MAN1A1: variants seen among roughly 807,000 people sequenced by gnomAD.
The protein encoded by MAN1A1 is mannosyl-oligosaccharide 1,2-alpha-mannosidase IA.
A neutral mutation model predicts 70.8 loss-of-function variants in MAN1A1; 29 were observed. That is an observed-to-expected ratio of 0.41 (90% CI 0.31 to 0.56). The LOEUF (loss-of-function observed/expected upper bound fraction) is 0.56. Among genes scored for constraint, MAN1A1 ranks in the 20% least tolerant of loss-of-function variants. The probability of loss-of-function intolerance (pLI) is 0.29; values close to 1 mark genes in which losing one functional copy is unlikely to be tolerated. For missense variants in MAN1A1, 747 were observed against 841.3 expected (o/e 0.89, Z 1.39); for synonymous variants, 349 against 330.1 (o/e 1.06, Z -0.62).
rs1415657086 is a variant in MAN1A1, at chr6:119,348,592, G to C, written c.474C>G (p.Ala158=). 6.2e-7 allele frequency: 1 copy of C among 1,613,922 alleles called. No individual in the cohort carries two copies. The highest frequency in any genetic ancestry group is 8.5e-7 in the Non-Finnish European group (1 of 1,179,902). The part of the protein sequence containing the change: ...RDILLEKKKV[A]QDQLRDKAPF... Reference sequence around the variant, plus strand: ...GCGCCTTGTCACGCAGCTGGTCCTGGGCCACCTTCTTCTTCTCCAGTAGGA... The same window carrying C: ...GCGCCTTGTCACGCAGCTGGTCCTGCGCCACCTTCTTCTTCTCCAGTAGGA... The change falls in exon 2 of 13, where the codon GCC becomes GCG. Residue 158 remains alanine (A), a synonymous_variant. Transcript: ENST00000368468.
chr6:119,319,292 T>A (rs1772938464), intron 2 of MAN1A1, among the ~76,000 whole-genome samples: 1 of 151,804 alleles, frequency 6.6e-6, no homozygotes, highest in South Asian at 2.1e-4. Flanking sequence ...GCAAATGCAT[T>A]ACTCTAACCC....
intron 2 of MAN1A1, among the ~76,000 whole-genome samples, chr6:119,333,497 C>T (rs1257981297): frequency 2.0e-5 from 3 of 152,092 alleles, no homozygotes; most frequent in Non-Finnish European, 2.9e-5. Context: ...CCATTAGTAC[C>T]GCCTCTCTCC....
intron 6 of MAN1A1, among the ~76,000 whole-genome samples, chr6:119,236,996 A>G (rs1363206958): frequency 6.6e-6 from 1 of 152,184 alleles, no homozygotes; most frequent in Non-Finnish European, 1.5e-5. Context: ...TCAGTGGAGG[A>G]AGTAACTGCA....
intron 11 of MAN1A1, among the ~76,000 whole-genome samples, chr6:119,186,179 G>A (rs886154948): frequency 2.0e-5 from 3 of 152,110 alleles, no homozygotes; most frequent in African/African-American, 7.2e-5. Flanking sequence ...ATTGGAATGA[G>A]TTACTTTATT....
At chr6:119,219,817 G>A (rs956972641) in intron 6 of MAN1A1, among the ~76,000 whole-genome samples, 4 of 152,044 alleles carry the variant, frequency 2.6e-5, no homozygotes, top group Non-Finnish European at 5.9e-5. Flanking sequence ...GCTCTTACAT[G>A]TCATACGTCT....
At chr6:119,202,255 T>G (rs1051598225) in intron 7 of MAN1A1, among the ~76,000 whole-genome samples, 23 of 152,222 alleles carry the variant, frequency 1.5e-4, no homozygotes, top group Non-Finnish European at 3.1e-4. Flanking sequence ...TTTTTAAAGT[T>G]GTTTAACTTT....
chr6:119,348,324 G>A, intron 2 of MAN1A1, 139 bp downstream of exon 2: 2 of 812,726 alleles, frequency 2.5e-6, no homozygotes, highest in Non-Finnish European at 3.7e-6. Flanking sequence ...AAGAGCTTTT[G>A]ACACAGCACC....
At chr6:119,304,425 G>T (rs6902792) in intron 3 of MAN1A1, among the ~76,000 whole-genome samples, 57,406 of 151,924 alleles carry the variant, frequency 0.38, 11,321 homozygotes, top group Non-Finnish European at 0.41. Context: ...GTTAATATTT[G>T]TATTTCTTGT....
intron 5 of MAN1A1, among the ~76,000 whole-genome samples, chr6:119,264,276 T>G (rs1020091320): frequency 6.6e-6 from 1 of 152,214 alleles, no homozygotes; most frequent in Admixed American, 6.5e-5. Flanking sequence ...GTACACTACA[T>G]TTGAGAACCA....
chr6:119,336,073 A>C (rs749795233), intron 2 of MAN1A1, among the ~76,000 whole-genome samples: 1 of 151,938 alleles, frequency 6.6e-6, no homozygotes, highest in South Asian at 2.1e-4. Flanking sequence ...AAATTTTTTT[A>C]TTATTATTTT....
chr6:119,311,843 G>A (rs1374546161), intron 2 of MAN1A1, among the ~76,000 whole-genome samples: 2 of 152,140 alleles, frequency 1.3e-5, no homozygotes, highest in African/African-American at 4.8e-5. Flanking sequence ...TCTTATCAAT[G>A]GCCAACAGAT....
chr6:119,296,233 T>C (rs1207556999), intron 4 of MAN1A1, among the ~76,000 whole-genome samples: 3 of 152,176 alleles, frequency 2.0e-5, no homozygotes, highest in Non-Finnish European at 2.9e-5. Context: ...CCAAGTTCTG[T>C]GGGCCACAAA....
At chr6:119,328,266 C>G (rs577471505) in intron 2 of MAN1A1, among the ~76,000 whole-genome samples, 1 of 152,314 alleles carries the variant, frequency 6.6e-6, no homozygotes, top group South Asian at 2.1e-4. Context: ...GTCTTCAAAC[C>G]CCAAAACTAT....
At chr6:119,200,909 A>T (rs1773696367) in intron 8 of MAN1A1, among the ~76,000 whole-genome samples, 1 of 152,144 alleles carries the variant, frequency 6.6e-6, no homozygotes, top group African/African-American at 2.4e-5. Flanking sequence ...ACTCTCTATA[A>T]AACCCTCATA....
chr6:119,309,950 T>G lies in MAN1A1; in HGVS notation c.604-2958A>C, dbSNP rs181672145. Among the ~76,000 whole-genome samples the G allele has an allele frequency of 3.3e-5, 5 of 152,310 alleles. No homozygotes were observed. The South Asian group carries it at 8.3e-4, about 25-fold the overall frequency. On this transcript the variant is annotated intron_variant, in intron 2 of 12. Transcript: ENST00000368468. ...CATTTATTGAGTATCTGCTACACTA[T>G]GAAAAGATTCTAAAGGACTAAAAGG... is the stretch of plus-strand genomic sequence containing the variant.
intron 4 of MAN1A1, among the ~76,000 whole-genome samples, chr6:119,300,159 C>A (rs546030592): frequency 1.3e-5 from 2 of 151,988 alleles, no homozygotes; most frequent in Non-Finnish European, 2.9e-5. Context: ...AGATATCAGT[C>A]GGTTTCATAC....
intron 11 of MAN1A1, among the ~76,000 whole-genome samples, chr6:119,186,776 G>A (rs970138459): frequency 3.9e-5 from 6 of 152,168 alleles, no homozygotes; most frequent in Non-Finnish European, 5.9e-5. Flanking sequence ...CCACGGGGGT[G>A]GGCATAACAC....
chr6:119,327,211 G>A (rs1183303403), intron 2 of MAN1A1: 1 of 152,126 alleles, frequency 6.6e-6, no homozygotes, highest in East Asian at 1.9e-4. Context: ...AGATGCAGCA[G>A]AATGGAAAGT....
At chr6:119,297,619 G>A (rs187777872) in intron 4 of MAN1A1, among the ~76,000 whole-genome samples, 10 of 151,604 alleles carry the variant, frequency 6.6e-5, no homozygotes, top group African/African-American at 2.4e-4. Flanking sequence ...ATAAATATAG[G>A]GAAAAATACC....
Sources: gnomAD v4.1 joint callset for allele counts (sites outside exome capture counted in the v4.1 genomes callset) on GRCh38, gnomAD v4.1.1 for gene constraint, MANE v1.5 for transcripts, NCBI Gene and HGNC (gene_info 2026-07-23, HGNC 2026-07-21) for gene names.